ST6GAL2: variants seen among roughly 807,000 people sequenced by gnomAD.
The protein encoded by ST6GAL2 is beta-galactoside alpha-2,6-sialyltransferase 2.
In ST6GAL2, 24 loss-of-function variants were observed where a neutral mutation model predicts 37.5. That is an observed-to-expected ratio of 0.64 (90% confidence interval 0.46 to 0.90). ST6GAL2 has a LOEUF of 0.90. Among genes scored for constraint, ST6GAL2 ranks in the 40% least tolerant of loss-of-function variants. The pLI, the probability that ST6GAL2 is intolerant of heterozygous loss-of-function variation, is 0.00. For synonymous variants in ST6GAL2, 306 were observed against 295.1 expected, an observed-to-expected ratio of 1.04 and a Z score of -0.38; for missense variants, 715 against 712.7, an observed-to-expected ratio of 1.00 and a Z score of -0.04.
At chr2:106,872,955 T>G (rs969437031) in intron 1 of ST6GAL2, among the ~76,000 whole-genome samples, 7 of 152,218 alleles carry the variant, frequency 4.6e-5, no homozygotes, top group African/African-American at 1.4e-4. Flanking sequence ...TTTAATTAAC[T>G]GACATGTGCC....
rs1379736219 is a variant in ST6GAL2 at position 106,843,156 on chromosome 2, C to A, written c.822G>T (p.Leu274=). The change falls in exon 2 of 6, where the codon CTG becomes CTT. Residue 274 remains leucine, a synonymous_variant. Coordinates refer to ENST00000409382, the MANE Select transcript of ST6GAL2 (RefSeq NM_001142351.2). ...CGGCGGGCACCAGGCGCCGCCAGCC[C>A]AGCGCAGAAAAGGGCGCCTCGGTGC... ...LDGTEAPFSA[L]GWRRLVPAVP... 3 of 1,563,320 alleles carry A rather than the reference C, an allele frequency of 1.9e-6. No individual in the cohort carries two copies. Among genetic ancestry groups the A allele is most frequent in the African/African-American group, 2.7e-5 (2 of 73,602 alleles).
chr2:106,871,441 G>T (rs1207878007), intron 1 of ST6GAL2, among the ~76,000 whole-genome samples: 1 of 152,084 alleles, frequency 6.6e-6, no homozygotes, highest in Non-Finnish European at 1.5e-5. Context: ...ATAAATCTTA[G>T]CTTAAGATTA....
At chr2:106,811,203 T>C (rs966468582) in intron 5 of ST6GAL2, among the ~76,000 whole-genome samples, 1 of 152,210 alleles carries the variant, frequency 6.6e-6, no homozygotes, top group African/African-American at 2.4e-5. Context: ...ATTATTAGTA[T>C]TAAATTTGAT....
intron 1 of ST6GAL2, among the ~76,000 whole-genome samples, chr2:106,873,667 T>A (rs936441836): frequency 6.6e-6 from 1 of 152,262 alleles, no homozygotes; most frequent in Non-Finnish European, 1.5e-5. Flanking sequence ...GAATGCTATT[T>A]TTAATCATTT....
intron 1 of ST6GAL2, among the ~76,000 whole-genome samples, chr2:106,851,358 G>A (rs1256067352): frequency 6.6e-6 from 1 of 152,142 alleles, no homozygotes; most frequent in Non-Finnish European, 1.5e-5. Flanking sequence ...ACAAAGACAC[G>A]AGTCACATTT....
chr2:106,828,430 A>G (rs1449716284), intron 5 of ST6GAL2, among the ~76,000 whole-genome samples: 1 of 152,248 alleles, frequency 6.6e-6, no homozygotes, highest in Non-Finnish European at 1.5e-5. Context: ...GGATTTCAAA[A>G]GAGTGATTTG....
chr2:106,872,588 C>T (rs1455539518), intron 1 of ST6GAL2, among the ~76,000 whole-genome samples: 3 of 152,010 alleles, frequency 2.0e-5, no homozygotes, highest in African/African-American at 7.3e-5. Context: ...CCACATACAT[C>T]CTTTTGTTAT....
intron 2 of ST6GAL2, among the ~76,000 whole-genome samples, chr2:106,840,053 C>CT (rs1676812360): frequency 6.6e-6 from 1 of 152,192 alleles, no homozygotes; most frequent in South Asian, 2.1e-4. Flanking sequence ...AAAGGGCAGC[C>CT]AGTAAGCAAA....
chr2:106,878,361 G>T (rs1439045426), intron 1 of ST6GAL2, among the ~76,000 whole-genome samples: 1 of 152,030 alleles, frequency 6.6e-6, no homozygotes, highest in Non-Finnish European at 1.5e-5. Flanking sequence ...TTACTCAGGA[G>T]GCTGAGTGGG....
intron 1 of ST6GAL2, among the ~76,000 whole-genome samples, chr2:106,861,788 G>A (rs1370535371): frequency 6.6e-6 from 1 of 151,928 alleles, no homozygotes; most frequent in African/African-American, 2.4e-5. Flanking sequence ...CCGCCACCAA[G>A]CCTGGCTAAT....
intron 1 of ST6GAL2, among the ~76,000 whole-genome samples, chr2:106,855,307 G>A (rs1677530247): frequency 6.6e-6 from 1 of 152,186 alleles, no homozygotes; most frequent in South Asian, 2.1e-4. Flanking sequence ...GGCCCCACAT[G>A]GCATTTGTTT....
At chr2:106,873,753 A>G (rs901717413) in intron 1 of ST6GAL2, among the ~76,000 whole-genome samples, 2 of 152,242 alleles carry the variant, frequency 1.3e-5, no homozygotes, top group Non-Finnish European at 2.9e-5. Flanking sequence ...TGAATGGTTT[A>G]GCAGTGATTT....
chr2:106,861,348 T>C (rs1359328019), intron 1 of ST6GAL2, among the ~76,000 whole-genome samples: 2 of 152,198 alleles, frequency 1.3e-5, no homozygotes, highest in African/African-American at 4.8e-5. Flanking sequence ...TTCTCCCAAT[T>C]TGTGAATAAG....
At chr2:106,870,441 C>T (rs1323675673) in intron 1 of ST6GAL2, among the ~76,000 whole-genome samples, 1 of 152,088 alleles carries the variant, frequency 6.6e-6, no homozygotes, top group Non-Finnish European at 1.5e-5. Context: ...TACCAGTTTT[C>T]TAGGAAGCCA....
intron 3 of ST6GAL2, among the ~76,000 whole-genome samples, chr2:106,832,999 A>G (rs1676485135): frequency 6.6e-6 from 1 of 152,146 alleles, no homozygotes. Flanking sequence ...CTTCACATGT[A>G]ATTTGGAGAC....
Position 106,843,144 on chromosome 2 carries a change from G to C in ST6GAL2, c.834C>G (p.Arg278=). The change falls in exon 2 of 6, where the codon CGC becomes CGG. Residue 278 remains arginine (R), a synonymous_variant. Transcript: ENST00000409382. The part of the protein sequence containing the change: ...EAPFSALGWR[R]LVPAVPLSQL... ...GGCTCAGGGGCACGGCGGGCACCAG[G>C]CGCCGCCAGCCCAGCGCAGAAAAGG... 1 of 1,561,384 alleles carries C rather than the reference G, an allele frequency of 6.4e-7. No individual in the cohort carries two copies. Among genetic ancestry groups the C allele is most frequent in the Non-Finnish European group, 8.6e-7 (1 of 1,156,204 alleles).
intron 1 of ST6GAL2, among the ~76,000 whole-genome samples, chr2:106,851,499 C>A (rs1357328996): frequency 1.3e-5 from 2 of 152,176 alleles, no homozygotes; most frequent in Non-Finnish European, 2.9e-5. Flanking sequence ...GTAAACGCTG[C>A]CACAGAGGAA....
At chr2:106,841,368 C>T (rs1247843994) in intron 2 of ST6GAL2, among the ~76,000 whole-genome samples, 2 of 152,210 alleles carry the variant, frequency 1.3e-5, no homozygotes, top group Non-Finnish European at 2.9e-5. Context: ...AATGTCACTT[C>T]CAGACCAGTT....
chr2:106,860,842 T>C (rs1020128867), intron 1 of ST6GAL2, among the ~76,000 whole-genome samples: 2 of 152,196 alleles, frequency 1.3e-5, no homozygotes, highest in Non-Finnish European at 2.9e-5. Context: ...ACAATGGATA[T>C]GGAAACTTAG....
Sources: gnomAD v4.1 joint callset for allele counts (sites outside exome capture counted in the v4.1 genomes callset) on GRCh38, gnomAD v4.1.1 for gene constraint, MANE v1.5 for transcripts, NCBI Gene and HGNC (gene_info 2026-07-23, HGNC 2026-07-21) for gene names.